BICD1: variants seen among roughly 807,000 people sequenced by gnomAD.
BICD1 encodes protein bicaudal D homolog 1.
Under a neutral mutation model 92.5 loss-of-function variants are expected in BICD1, and 35 were observed. The ratio of observed to expected loss-of-function variants is 0.38; its 90% CI spans 0.29 to 0.50. The LOEUF (loss-of-function observed/expected upper bound fraction) is 0.50, where lower values mean the gene tolerates loss of function less well. Ranked by LOEUF, BICD1 falls within the 20% of genes least tolerant of loss-of-function variation. BICD1 has a pLI of 0.93. For missense variants in BICD1, 950 were observed against 1,189.8 expected (o/e 0.80, Z 2.97); for synonymous variants, 429 against 465.1 (o/e 0.92, Z 1.00).
chr12:32,250,817 C>A (rs1377660706), intron 2 of BICD1, among the ~76,000 whole-genome samples: 6 of 151,436 alleles, frequency 4.0e-5, no homozygotes, highest in Non-Finnish European at 7.4e-5. Flanking sequence ...CCTGTCTCTA[C>A]AAAAAAAATA....
At chr12:32,287,348 T>G (rs1947597162) in intron 2 of BICD1, among the ~76,000 whole-genome samples, 1 of 152,180 alleles carries the variant, frequency 6.6e-6, no homozygotes, top group African/African-American at 2.4e-5. Flanking sequence ...ATCATTGCTT[T>G]GAAATTATGA....
intron 2 of BICD1, among the ~76,000 whole-genome samples, chr12:32,285,342 T>G (rs1947533589): frequency 6.6e-6 from 1 of 152,150 alleles, no homozygotes; most frequent in Non-Finnish European, 1.5e-5. Context: ...TCATGTAATC[T>G]TAAGTATTAG....
chr12:32,330,814 C>A (rs2136269334), intron 5 of BICD1, among the ~76,000 whole-genome samples: 1 of 152,232 alleles, frequency 6.6e-6, no homozygotes, highest in Non-Finnish European at 1.5e-5. Context: ...CAGATAACTT[C>A]TCTGACTTCT....
At chr12:32,311,166 A>G (rs1227612767) in intron 4 of BICD1, among the ~76,000 whole-genome samples, 5 of 152,176 alleles carry the variant, frequency 3.3e-5, no homozygotes, top group African/African-American at 9.7e-5. Flanking sequence ...GGTTTTATAT[A>G]TTTTAGGGAG....
At chr12:32,212,014 A>G (rs1019317970) in intron 1 of BICD1, among the ~76,000 whole-genome samples, 5 of 152,232 alleles carry the variant, frequency 3.3e-5, no homozygotes, top group African/African-American at 1.2e-4. Flanking sequence ...CACATCTGGA[A>G]ATCTGACTAC....
At position 32,377,674 on chromosome 12, in the gene BICD1, A is replaced by T; in HGVS notation, c.*47A>T. Reference sequence around the variant, plus strand: ...CATCTGGGGTGGAAGTTTTGTAGCCACACACAGGATACTGCCCAAGATCCA... The same window carrying T: ...CATCTGGGGTGGAAGTTTTGTAGCCTCACACAGGATACTGCCCAAGATCCA... On this transcript the variant is annotated 3_prime_UTR_variant, in exon 10 of 10. Coordinates refer to ENST00000652176, the MANE Select transcript of BICD1 (RefSeq NM_001714.4). 1 of 1,511,334 alleles carries T rather than the reference A, an allele frequency of 6.6e-7. No individual in the cohort carries two copies. The highest frequency in any genetic ancestry group is 1.1e-5 in the South Asian group (1 of 88,940). 93.6% of individuals were successfully genotyped at this position (1,511,334 alleles called of 1,614,324 possible). A position where few individuals can be genotyped will look rare whatever the true frequency, so the allele number is the denominator to read the frequency against.
chr12:32,351,238 C>T (rs967232716), intron 8 of BICD1, among the ~76,000 whole-genome samples: 1 of 150,566 alleles, frequency 6.6e-6, no homozygotes, highest in Non-Finnish European at 1.5e-5. Context: ...GTAATCCCAG[C>T]ACTTTGGGAA....
At position 32,347,399 on chromosome 12, in the gene BICD1, G is replaced by A. The variant is rs182787346; in HGVS notation, c.2764+8420G>A. Among the ~76,000 whole-genome samples, 651 of 151,822 alleles carry A rather than the reference G, an allele frequency of 4.3e-3. 4 individuals are homozygous for A. Among genetic ancestry groups the A allele is most frequent in the African/African-American group, 0.015 (604 of 41,470 alleles). ...TCATGCCTGTAATCCCAGCACTTTG[G>A]GAGGCTGAGGCGGGCAGATCACAAG... On this transcript the variant is annotated intron_variant, in intron 8 of 9. Transcript: ENST00000652176.
At chr12:32,108,341 C>CT in intron 1 of BICD1, 1 of 235,412 alleles carries the variant, frequency 4.2e-6, no homozygotes, top group South Asian at 1.0e-4. Context: ...TATAATGTCT[C>CT]TTTAGTTTTT....
Position 32,216,273 on chromosome 12 carries a change from C to T in BICD1, c.240C>T (p.His80=). The part of the protein sequence containing the change: ...KEAFGQSFSI[H]RKVAEDGETR... ...CATTTGGGCAGTCCTTCTCCATCCA[C>T]CGGAAGGTTGCTGAAGATGGAGAGA... Residue 80 remains histidine, a synonymous_variant, in exon 2 of 10, where the codon CAC becomes CAT. Coordinates refer to ENST00000652176, the MANE Select transcript of BICD1 (RefSeq NM_001714.4). 1 of 1,613,880 alleles carries T rather than the reference C, an allele frequency of 6.2e-7. No individual in the cohort carries two copies. The highest frequency in any genetic ancestry group is 1.1e-5 in the South Asian group (1 of 91,074).
chr12:32,210,882 A>G (rs1378087435), intron 1 of BICD1, among the ~76,000 whole-genome samples: 1 of 152,182 alleles, frequency 6.6e-6, no homozygotes, highest in African/African-American at 2.4e-5. Flanking sequence ...ACCTTGAAAA[A>G]CATTGTTTCC....
chr12:32,299,505 G>A (rs1488677548), intron 3 of BICD1, among the ~76,000 whole-genome samples: 2 of 152,184 alleles, frequency 1.3e-5, no homozygotes, highest in Non-Finnish European at 2.9e-5. Flanking sequence ...ACATGAAACA[G>A]CTGGGTGAAT....
At position 32,377,617 on chromosome 12, in the gene BICD1, C is replaced by G. The variant is rs767158928; in HGVS notation, c.2918C>G (p.Pro973Arg). 7 of 1,613,296 alleles carry G rather than the reference C, an allele frequency of 4.3e-6. No homozygotes were observed. The highest frequency in any genetic ancestry group is 5.1e-6 in the Non-Finnish European group (6 of 1,179,262). Residue 973 changes from proline to arginine, a missense_variant, in exon 10 of 10, where the codon CCT (proline) becomes CGT (arginine). This residue lies in a region of BICD1 where 179 missense variants were observed against 186.7 expected (regional missense o/e 0.96). Coordinates refer to ENST00000652176, the MANE Select transcript of BICD1 (RefSeq NM_001714.4). ...CCTCTCCACTGTCTCTCCAAGCCTC[C>G]TCACCCCTAGTCTTCATCTCCTGTG... ...CAPLHCLSKP[P>R]HP
At chr12:32,288,720 G>A (rs1044787462) in intron 2 of BICD1, among the ~76,000 whole-genome samples, 11 of 151,986 alleles carry the variant, frequency 7.2e-5, no homozygotes, top group Admixed American at 5.9e-4. Flanking sequence ...ACAAAAATTA[G>A]CCAGGTGTGG....
In BICD1 at chr12:32,252,074, A is replaced by ATAAATATATAT. The variant is rs1565619317; in HGVS notation, c.426+35617_426+35618insAATATATATTA. 4.7e-3 allele frequency among the ~76,000 whole-genome samples: 162 copies of ATAAATATATAT among 34,386 alleles called. 2 individuals are homozygous for ATAAATATATAT. The highest frequency in any genetic ancestry group is 0.026 in the African/African-American group (159 of 6,138). The allele number at this position is 34,386 out of a possible 152,430, so 22.6% of individuals were successfully genotyped here. A position where few individuals can be genotyped will look rare whatever the true frequency, so the allele number is the denominator to read the frequency against. ...AAATATTATATATTATATATTTATA[A>ATAAATATATAT]TATATATTTATAAATATATATTTAT... On this transcript the variant is annotated intron_variant, in intron 2 of 9. Coordinates refer to ENST00000652176, the MANE Select transcript of BICD1 (RefSeq NM_001714.4).
chr12:32,236,621 T>C (rs2136071425), intron 2 of BICD1, among the ~76,000 whole-genome samples: 1 of 151,472 alleles, frequency 6.6e-6, no homozygotes, highest in Middle Eastern at 3.5e-3. Context: ...AATCAAAACA[T>C]AGAAATGATT....
intron 8 of BICD1, among the ~76,000 whole-genome samples, chr12:32,346,303 G>A (rs1156707083): frequency 1.3e-5 from 2 of 151,052 alleles, no homozygotes; most frequent in Admixed American, 1.3e-4. Flanking sequence ...GATCCCTTGA[G>A]GCCAAGAGTT....
At chr12:32,230,447 C>T (rs2728789) in intron 2 of BICD1, among the ~76,000 whole-genome samples, 3,089 of 25,614 alleles carry the variant, frequency 0.12, 66 homozygotes, top group African/African-American at 0.28. Flanking sequence ...AATAAATAAG[C>T]AAGCAAATAA....
At chr12:32,306,258 T>C (rs1948213684) in intron 4 of BICD1, 136 bp downstream of exon 4, 1 of 1,040,610 alleles carries the variant, frequency 9.6e-7, no homozygotes, top group Non-Finnish European at 1.3e-6. Context: ...TTTCTGTTCT[T>C]TTCGAGACAG....
Sources: allele counts gnomAD v4.1 joint callset (sites outside exome capture counted in the v4.1 genomes callset), GRCh38; gene constraint gnomAD v4.1.1; regional missense constraint gnomAD v4.1.1; transcripts MANE v1.5; gene names NCBI Gene and HGNC (gene_info 2026-07-23, HGNC 2026-07-21).